Variants in OLAH observed in about 807,000 individuals in gnomAD.
The protein encoded by OLAH is S-acyl fatty acid synthase thioesterase, medium chain.
OLAH carries 33 observed loss-of-function variants against 27.8 expected under a neutral mutation model. The ratio of observed to expected loss-of-function variants is 1.19; its 90% CI spans 0.90 to 1.59. OLAH has a LOEUF of 1.59. Among genes scored for constraint, OLAH ranks in the 40% most tolerant of loss-of-function variants. OLAH has a pLI of 0.00. For missense variants in OLAH, 359 were observed against 310.8 expected, an observed-to-expected ratio of 1.16 and a Z score of -1.17; for synonymous variants, 120 against 102.9, an observed-to-expected ratio of 1.17 and a Z score of -1.01.
Position 15,049,457 on chromosome 10 carries a change from T to C in OLAH, c.33-178T>C, listed in dbSNP as rs141733701. 9.9e-5 allele frequency among the ~76,000 whole-genome samples: 15 copies of C among 152,272 alleles called. No homozygotes were observed. The East Asian group carries it at 2.9e-3, about 29-fold the overall frequency. On this transcript the variant is annotated intron_variant, in intron 2 of 7. Coordinates refer to ENST00000378228, the MANE Select transcript of OLAH (RefSeq NM_001039702.3). ...CCTAAAAATCTATGTATTCAAATTG[T>C]CAACACAGACTGTAAAAATCTTTTT...
intron 3 of OLAH, chr10:15,056,690 G>C: frequency 1.1e-6 from 1 of 928,606 alleles, no homozygotes; most frequent in East Asian, 3.3e-5. Context: ...GAGTACAATA[G>C]CATGATCTTG....
At chr10:15,037,440 G>A (rs921790359) in intron 1 of OLAH, among the ~76,000 whole-genome samples, 7 of 152,018 alleles carry the variant, frequency 4.6e-5, no homozygotes, top group Non-Finnish European at 1.0e-4. Context: ...AATTAGCCAG[G>A]CATGGTGGCG....
chr10:15,047,321 G>A lies in OLAH; in HGVS notation c.32+1G>A, dbSNP rs374291351. 11 of 1,613,334 alleles carry A rather than the reference G, an allele frequency of 6.8e-6. No homozygotes were observed. The highest frequency in any genetic ancestry group is 1.3e-5 in the African/African-American group (1 of 74,872). ...GAGGAGACCAACCTAAGAGAACCAG[G>A]CAGGCCACCCCTTGTGCCACCAGGC... On this transcript the variant is annotated splice_donor_variant, in intron 2 of 7. Coordinates refer to ENST00000378228, the MANE Select transcript of OLAH (RefSeq NM_001039702.3). LOFTEE classifies it high-confidence loss of function.
intron 1 of OLAH, among the ~76,000 whole-genome samples, chr10:15,046,920 T>TA (rs1330475179): frequency 6.6e-6 from 1 of 152,208 alleles, no homozygotes; most frequent in Non-Finnish European, 1.5e-5. Context: ...TCTGTCTGTA[T>TA]ATACGTGAGC....
intron 6 of OLAH, 68 bp from the exon 7 acceptor site, chr10:15,071,727 T>C: frequency 6.7e-7 from 1 of 1,492,962 alleles, no homozygotes; most frequent in African/African-American, 1.4e-5. Flanking sequence ...TCATTGACAT[T>C]AGGAACAGGA....
At chr10:15,049,496 T>C in intron 2 of OLAH, 139 bp from the exon 3 acceptor site, 1 of 526,770 alleles carries the variant, frequency 1.9e-6, no homozygotes, top group Non-Finnish European at 3.0e-6. Context: ...CCTTTCTTAT[T>C]GGAAAAATTT....
At position 15,071,801 on chromosome 10, in the gene OLAH, C is replaced by G. The variant is rs148164766; in HGVS notation, c.579C>G (p.Asn193Lys). 77 of 1,611,212 alleles carry G rather than the reference C, an allele frequency of 4.8e-5. No homozygotes were observed. The highest frequency in any genetic ancestry group is 6.3e-5 in the Non-Finnish European group (74 of 1,177,394). The change falls in exon 7 of 8, where the codon AAC becomes AAG. Residue 193 changes from asparagine to lysine, a missense_variant. Coordinates refer to ENST00000378228, the MANE Select transcript of OLAH (RefSeq NM_001039702.3). ...AGCTCTTTTATGTTTATAGCTCTAACGTACCATCTAAGGCTGTTCTTTCCT... is the reference window on the plus strand; with the variant it reads ...AGCTCTTTTATGTTTATAGCTCTAAGGTACCATCTAAGGCTGTTCTTTCCT... Reference protein sequence around the residue: ...DLNIVRSCTSNVPSKAVLSCD... With the variant: ...DLNIVRSCTSKVPSKAVLSCD...
chr10:15,057,115 T>C, intron 3 of OLAH: 1 of 1,154,044 alleles, frequency 8.7e-7, no homozygotes, highest in Non-Finnish European at 1.1e-6. Context: ...TTTATGCTTT[T>C]TATGGCTTGC....
intron 3 of OLAH, among the ~76,000 whole-genome samples, chr10:15,051,226 C>T (rs1844136191): frequency 6.6e-6 from 1 of 151,952 alleles, no homozygotes; most frequent in Non-Finnish European, 1.5e-5. Flanking sequence ...CAGGCACACG[C>T]CACCAGGCCC....
At position 15,073,278 on chromosome 10, in the gene OLAH, C is replaced by T. The variant is rs77067865; in HGVS notation, c.*49C>T. ...ATAATCAAAGTAATATCATACTCTT[C>T]TCAGTTATTCAGATATAGCTCAGTT... On this transcript the variant is annotated 3_prime_UTR_variant, in exon 8 of 8. Coordinates refer to ENST00000378228, the MANE Select transcript of OLAH (RefSeq NM_001039702.3). 2,216 of 1,249,392 alleles carry T rather than the reference C, an allele frequency of 1.8e-3. 26 individuals carry two copies. The African/African-American group carries it at 0.03, about 17-fold the overall frequency. 77.4% of individuals were successfully genotyped at this position (1,249,392 alleles called of 1,614,324 possible).
chr10:15,034,355 A>G (rs1324586976), intron 1 of OLAH, among the ~76,000 whole-genome samples: 1 of 150,756 alleles, frequency 6.6e-6, no homozygotes, highest in East Asian at 1.9e-4. Flanking sequence ...CTGACCTTGA[A>G]CTCCTGACCT....
intron 3 of OLAH, 110 bp from the exon 4 acceptor site, chr10:15,061,614 T>C (rs753564951): frequency 4.4e-5 from 44 of 1,010,472 alleles, no homozygotes; most frequent in Non-Finnish European, 5.6e-5. Context: ...TTAACTGTTA[T>C]CATTCATTTC....
At chr10:15,054,476 T>C (rs1325437842) in intron 3 of OLAH, among the ~76,000 whole-genome samples, 1 of 152,208 alleles carries the variant, frequency 6.6e-6, no homozygotes, top group African/African-American at 2.4e-5. Context: ...CACAGAGCCA[T>C]TACGATTCGC....
upstream of OLAH, among the ~76,000 whole-genome samples, chr10:15,039,054 T>A (rs929006764): frequency 1.3e-5 from 2 of 150,582 alleles, no homozygotes; most frequent in African/African-American, 4.9e-5. Context: ...GAGACCCCCA[T>A]CTCCAAAAAG....
At chr10:15,044,437 T>C (rs1468724227) in intron 1 of OLAH, among the ~76,000 whole-genome samples, 1 of 151,408 alleles carries the variant, frequency 6.6e-6, no homozygotes, top group Non-Finnish European at 1.5e-5. Context: ...TAATTTTATA[T>C]ATATATATTT....
At chr10:15,049,516 T>G in intron 2 of OLAH, 119 bp from the exon 3 acceptor site, 1 of 693,272 alleles carries the variant, frequency 1.4e-6, no homozygotes, top group South Asian at 2.9e-5. Flanking sequence ...TGCAATCACT[T>G]TATATATGAA....
intron 3 of OLAH, among the ~76,000 whole-genome samples, chr10:15,054,807 T>C (rs1844215574): frequency 1.3e-5 from 2 of 152,234 alleles, no homozygotes; most frequent in South Asian, 4.1e-4. Flanking sequence ...TTCTGTCCAC[T>C]ATTCTGTCAG....
rs1844035828 is a variant in OLAH at position 15,047,211 on chromosome 10, C to T, written c.-78C>T. On this transcript the variant is annotated 5_prime_UTR_variant, in exon 2 of 8. Transcript: ENST00000378228. ...TGCATAAGGCCGAGCAGAGGTTCTT[C>T]GTCTCAAGAGGAACTGACTTCTGTT... 3.4e-6 allele frequency: 5 copies of T among 1,468,742 alleles called. No homozygotes were observed. Among genetic ancestry groups the T allele is most frequent in the Admixed American group, 1.9e-5 (1 of 52,658 alleles). 91.0% of individuals were successfully genotyped at this position (1,468,742 alleles called of 1,614,324 possible). A position where few individuals can be genotyped will look rare whatever the true frequency, so the allele number is the denominator to read the frequency against.
chr10:15,060,067 C>T (rs1451179600), intron 3 of OLAH, among the ~76,000 whole-genome samples: 1 of 152,066 alleles, frequency 6.6e-6, no homozygotes, highest in African/African-American at 2.4e-5. Context: ...CTCTTCTCTC[C>T]TTCTGGGACT....
Sources: gnomAD v4.1 joint callset for allele counts (sites outside exome capture counted in the v4.1 genomes callset) on GRCh38, gnomAD v4.1.1 for gene constraint, MANE v1.5 for transcripts, NCBI Gene and HGNC (gene_info 2026-07-23, HGNC 2026-07-21) for gene names.